Variants in FARP1 observed in about 807,000 individuals in gnomAD.
The protein encoded by FARP1 is FERM, ARH/RhoGEF and pleckstrin domain protein 1.
In FARP1, 52 loss-of-function variants were observed where a neutral mutation model predicts 128.8. That is an observed-to-expected ratio of 0.40 (90% CI 0.32 to 0.51). FARP1 has a LOEUF of 0.51. Ranked by LOEUF, FARP1 falls within the 20% of genes least tolerant of loss-of-function variation. The probability of loss-of-function intolerance (pLI) is 0.45; values close to 1 mark genes in which losing one functional copy is unlikely to be tolerated. For synonymous variants in FARP1, 580 were observed against 551.8 expected (o/e 1.05, Z -0.72); for missense variants, 1,333 against 1,367.9 (o/e 0.97, Z 0.40).
intron 2 of FARP1, among the ~76,000 whole-genome samples, chr13:98,256,988 T>A (rs1176806109): frequency 8.3e-6 from 1 of 120,404 alleles, no homozygotes; most frequent in Non-Finnish European, 1.7e-5. Context: ...TATATATATA[T>A]ATACCGAAAG....
At chr13:98,411,752 G>A (rs1891201583) in intron 15 of FARP1, 149 bp from the exon 16 acceptor site, 1 of 769,468 alleles carries the variant, frequency 1.3e-6, no homozygotes, top group South Asian at 1.7e-5. Flanking sequence ...GTAAGGCCCG[G>A]GCAGCCCCGT....
At chr13:98,235,909 C>T (rs770846602) in intron 2 of FARP1, among the ~76,000 whole-genome samples, 3 of 148,134 alleles carry the variant, frequency 2.0e-5, no homozygotes, top group East Asian at 2.0e-4. Context: ...CGGCAACCTC[C>T]GCCTCCTGGG....
At chr13:98,436,545 T>C (rs932006800) in intron 19 of FARP1, among the ~76,000 whole-genome samples, 4 of 152,230 alleles carry the variant, frequency 2.6e-5, no homozygotes, top group African/African-American at 4.8e-5. Flanking sequence ...CAGGGGCTTT[T>C]AGTCTTTTTC....
chr13:98,250,636 G>A (rs1222828245), intron 2 of FARP1, among the ~76,000 whole-genome samples: 1 of 151,656 alleles, frequency 6.6e-6, no homozygotes, highest in Non-Finnish European at 1.5e-5. Flanking sequence ...CAGGAGAATC[G>A]CTTGAACCCG....
intron 2 of FARP1, among the ~76,000 whole-genome samples, chr13:98,285,083 G>A (rs1427379449): frequency 6.6e-6 from 1 of 152,146 alleles, no homozygotes; most frequent in Non-Finnish European, 1.5e-5. Flanking sequence ...TTATTATTCA[G>A]TAGCTAAAAG....
chr13:98,261,664 A>G (rs1233980637), intron 2 of FARP1, among the ~76,000 whole-genome samples: 1 of 152,182 alleles, frequency 6.6e-6, no homozygotes, highest in Non-Finnish European at 1.5e-5. Context: ...TGTAACATAG[A>G]TGATATCTTT....
chr13:98,399,048 A>T (rs957432244), intron 13 of FARP1: 3 of 152,212 alleles, frequency 2.0e-5, no homozygotes, highest in Non-Finnish European at 4.4e-5. Context: ...TTTTCACTTT[A>T]AGAGTTGCTC....
At chr13:98,203,539 A>G (rs1464945442) in intron 1 of FARP1, among the ~76,000 whole-genome samples, 1 of 152,168 alleles carries the variant, frequency 6.6e-6, no homozygotes, top group Admixed American at 6.5e-5. Flanking sequence ...ACTCAGCAAA[A>G]TGTTTGCGAG....
intron 2 of FARP1, among the ~76,000 whole-genome samples, chr13:98,253,030 G>A (rs1883420621): frequency 6.6e-6 from 1 of 152,174 alleles, no homozygotes; most frequent in African/African-American, 2.4e-5. Context: ...AATTCCAAAG[G>A]TTGGAGAGAA....
chr13:98,285,779 T>G (rs1293645127), intron 2 of FARP1, among the ~76,000 whole-genome samples: 2 of 152,196 alleles, frequency 1.3e-5, no homozygotes. Context: ...GTAGGAAGCT[T>G]ACTAAGAAGA....
intron 3 of FARP1, among the ~76,000 whole-genome samples, chr13:98,361,111 T>A (rs778266424): frequency 6.6e-6 from 1 of 152,160 alleles, no homozygotes; most frequent in Non-Finnish European, 1.5e-5. Flanking sequence ...AACCTCTTTT[T>A]TCTTTTTGCT....
At chr13:98,388,673 T>A (rs1890191709) in intron 9 of FARP1, among the ~76,000 whole-genome samples, 195 bp downstream of exon 9, 1 of 152,138 alleles carries the variant, frequency 6.6e-6, no homozygotes, top group Non-Finnish European at 1.5e-5. Context: ...GCTGTCATCG[T>A]TGGTAAACAG....
At chr13:98,307,353 C>A (rs548053556) in intron 2 of FARP1, among the ~76,000 whole-genome samples, 4 of 152,106 alleles carry the variant, frequency 2.6e-5, no homozygotes, top group Non-Finnish European at 5.9e-5. Flanking sequence ...ATGGAGTTGA[C>A]AGAACTAATA....
chr13:98,347,526 A>G (rs1391671171), intron 3 of FARP1, among the ~76,000 whole-genome samples: 1 of 149,904 alleles, frequency 6.7e-6, no homozygotes, highest in African/African-American at 2.5e-5. Flanking sequence ...GGCTTATCTC[A>G]CTCAGCATAA....
intron 2 of FARP1, among the ~76,000 whole-genome samples, chr13:98,266,100 T>A (rs1884102334): frequency 6.6e-6 from 1 of 152,030 alleles, no homozygotes; most frequent in Non-Finnish European, 1.5e-5. Flanking sequence ...AAAATGGGTG[T>A]CAGTGGGCAT....
At chr13:98,202,875 A>G (rs756021069) in intron 1 of FARP1, among the ~76,000 whole-genome samples, 3 of 152,036 alleles carry the variant, frequency 2.0e-5, no homozygotes, top group Non-Finnish European at 2.9e-5. Flanking sequence ...GCTTACCACC[A>G]TGCCTGGGTA....
intron 2 of FARP1, among the ~76,000 whole-genome samples, chr13:98,281,759 C>T (rs1160759814): frequency 6.6e-6 from 1 of 152,166 alleles, no homozygotes; most frequent in African/African-American, 2.4e-5. Flanking sequence ...AACTGCGAGG[C>T]CCTCTGATTA....
chr13:98,337,389 C>G (rs558529685), intron 2 of FARP1, among the ~76,000 whole-genome samples: 2 of 152,156 alleles, frequency 1.3e-5, no homozygotes, highest in African/African-American at 2.4e-5. Context: ...GTTTAAATAA[C>G]AGAAATAATT....
chr13:98,372,360 C>T lies in FARP1; in HGVS notation c.398+4165C>T, dbSNP rs572108284. 2.6e-5 allele frequency among the ~76,000 whole-genome samples: 4 copies of T among 152,268 alleles called. No homozygotes were observed. The East Asian group carries it at 7.8e-4, about 30-fold the overall frequency. ...TTGGCCTCCCAAAGTGCTGGCATTA[C>T]AGGCCTGAGTCGCTGCACCCTGCCA... is the stretch of plus-strand genomic sequence containing the variant. On this transcript the variant is annotated intron_variant, in intron 5 of 26. Coordinates refer to ENST00000319562, the MANE Select transcript of FARP1 (RefSeq NM_005766.4).
Sources: allele counts gnomAD v4.1 joint callset (sites outside exome capture counted in the v4.1 genomes callset), GRCh38; gene constraint gnomAD v4.1.1; transcripts MANE v1.5; gene names NCBI Gene and HGNC (gene_info 2026-07-23, HGNC 2026-07-21).